IQSEC1: variants seen among roughly 807,000 people sequenced by gnomAD.
The protein encoded by IQSEC1 is IQ motif and Sec7 domain ArfGEF 1.
Under a neutral mutation model 91.0 loss-of-function variants are expected in IQSEC1, and 31 were observed. The observed-to-expected ratio is 0.34, with a 90% CI of 0.26 to 0.46. The LOEUF is 0.46. IQSEC1 is among the 20% of genes least tolerant of loss of function. IQSEC1 has a pLI of 1.00. For synonymous variants in IQSEC1, 699 were observed against 662.6 expected (o/e 1.05, Z -0.84); for missense variants, 1,388 against 1,575.6 (o/e 0.88, Z 2.02).
rs536230835 is a variant in IQSEC1, at chr3:12,919,570, T to C, written c.2020+860A>G. ...ACGGCAGAACCGCTGTTGAATAAAC[T>C]AAGAATGAACAGCTTTGTCAGCTCC... is the stretch of plus-strand genomic sequence containing the variant. On this transcript the variant is annotated intron_variant, in intron 6 of 13. Transcript: ENST00000613206. Among the ~76,000 whole-genome samples the C allele has an allele frequency of 5.3e-5, 8 of 152,340 alleles. No homozygotes were observed. The East Asian group carries it at 1.5e-3, about 29-fold the overall frequency.
intron 1 of IQSEC1, among the ~76,000 whole-genome samples, chr3:13,219,571 C>T (rs1209378965): frequency 6.6e-6 from 1 of 152,266 alleles, no homozygotes; most frequent in East Asian, 1.9e-4. Flanking sequence ...CCAACACCCA[C>T]CCGGCGGTCT....
intron 1 of IQSEC1, among the ~76,000 whole-genome samples, chr3:13,220,969 G>T (rs1048289467): frequency 6.6e-6 from 1 of 152,246 alleles, no homozygotes. Context: ...AGAGCTGCTG[G>T]CCTCATCCAT....
chr3:13,281,910 C>A (rs1468993635), intron 1 of IQSEC1, among the ~76,000 whole-genome samples: 3 of 152,202 alleles, frequency 2.0e-5, no homozygotes, highest in Non-Finnish European at 4.4e-5. Context: ...ACCGAAGCCT[C>A]CCAGCCCCCT....
intron 2 of IQSEC1, among the ~76,000 whole-genome samples, chr3:13,106,414 C>T (rs995808509): frequency 3.3e-5 from 5 of 152,196 alleles, no homozygotes; most frequent in African/African-American, 1.2e-4. Context: ...ATCAGAGTCT[C>T]TGTTCCGAGC....
intron 1 of IQSEC1, among the ~76,000 whole-genome samples, chr3:13,014,073 G>T (rs544886278): frequency 6.6e-6 from 1 of 152,188 alleles, no homozygotes; most frequent in Admixed American, 6.5e-5. Flanking sequence ...AACAAAGGCA[G>T]GTTGCTGCTG....
intron 2 of IQSEC1, among the ~76,000 whole-genome samples, chr3:13,125,805 G>A (rs370193360): frequency 9.3e-4 from 142 of 152,302 alleles, no homozygotes; most frequent in African/African-American, 3.3e-3. Flanking sequence ...AAAAACAACG[G>A]GACAAGGAGG....
intron 1 of IQSEC1, among the ~76,000 whole-genome samples, chr3:13,204,771 TTTTC>T (rs1694312317): frequency 6.6e-6 from 1 of 151,698 alleles, no homozygotes; most frequent in Non-Finnish European, 1.5e-5. Flanking sequence ...CCTTCTTTCT[TTTTC>T]TTTCTGTGTT....
intron 3 of IQSEC1, among the ~76,000 whole-genome samples, chr3:12,934,426 CAG>C (rs1697979240): frequency 6.6e-6 from 1 of 152,306 alleles, no homozygotes; most frequent in African/African-American, 2.4e-5. Context: ...GAAGAGAGAA[CAG>C]GGGGCAGACG....
At chr3:13,233,574 C>T (rs1048029264) in intron 1 of IQSEC1, among the ~76,000 whole-genome samples, 6 of 152,194 alleles carry the variant, frequency 3.9e-5, no homozygotes, top group Non-Finnish European at 7.3e-5. Context: ...GGGTTGGTCC[C>T]GGACTGTGCC....
intron 2 of IQSEC1, among the ~76,000 whole-genome samples, chr3:13,114,330 C>T (rs181964927): frequency 1.2e-4 from 18 of 152,230 alleles, no homozygotes; most frequent in African/African-American, 3.6e-4. Context: ...GGTGTCACGG[C>T]ACTCATGGCC....
intron 1 of IQSEC1, among the ~76,000 whole-genome samples, chr3:13,206,024 A>C: frequency 7.2e-6 from 1 of 138,976 alleles, no homozygotes; most frequent in South Asian, 2.4e-4. Context: ...CCACCCATCC[A>C]TCCCCCATCC....
chr3:13,214,206 G>C lies in IQSEC1; in HGVS notation c.273-50073C>G, dbSNP rs1406491865. Among the ~76,000 whole-genome samples the C allele has an allele frequency of 6.6e-6, 1 of 152,196 alleles. No individual in the cohort carries two copies. Among genetic ancestry groups the C allele is most frequent in the Non-Finnish European group, 1.5e-5 (1 of 68,036 alleles). On this transcript the variant is annotated intron_variant, in intron 1 of 15. Transcript: ENST00000648114. The surrounding 1 kb of genome is among the most constrained non-coding windows in gnomAD (Gnocchi z 4.5). The stretch of plus-strand genomic sequence containing the variant: ...GACGAACCCCTCTCTTACCCTTCTA[G>C]TCGCACTGCAGGGGCTTCTAAGCCT...
chr3:13,177,625 G>GC (rs1240786544), intron 1 of IQSEC1, among the ~76,000 whole-genome samples: 5 of 152,320 alleles, frequency 3.3e-5, no homozygotes, highest in African/African-American at 1.2e-4. Context: ...TTTTTGTGTG[G>GC]CCCCTGGGGG....
intron 1 of IQSEC1, among the ~76,000 whole-genome samples, chr3:13,278,603 G>C (rs749673560): frequency 1.1e-4 from 17 of 152,302 alleles, no homozygotes; most frequent in Non-Finnish European, 1.3e-4. Flanking sequence ...TGGATCACCT[G>C]AGGTCAGGAG....
At chr3:13,031,344 G>A (rs1164103316) in intron 1 of IQSEC1, among the ~76,000 whole-genome samples, 1 of 152,244 alleles carries the variant, frequency 6.6e-6, no homozygotes, top group Non-Finnish European at 1.5e-5. Context: ...GCCCCTGCCT[G>A]CCCCTGCCTA....
At chr3:12,929,838 C>G (rs767771984) in intron 3 of IQSEC1, among the ~76,000 whole-genome samples, 2 of 152,176 alleles carry the variant, frequency 1.3e-5, no homozygotes, top group South Asian at 2.1e-4. Context: ...GCAGTGTAGT[C>G]GGAGCCTCCT....
At chr3:13,022,860 C>A (rs1282933406) in intron 1 of IQSEC1, among the ~76,000 whole-genome samples, 1 of 152,216 alleles carries the variant, frequency 6.6e-6, no homozygotes, top group Non-Finnish European at 1.5e-5. Context: ...GAGACGGTTT[C>A]CAGCTCTGGC....
At position 13,249,624 on chromosome 3, in the gene IQSEC1, G is replaced by A. The variant is rs186987900; in HGVS notation, c.272+33087C>T. 2.6e-3 allele frequency among the ~76,000 whole-genome samples: 389 copies of A among 152,154 alleles called. 2 individuals carry two copies. Among genetic ancestry groups the A allele is most frequent in the African/African-American group, 8.3e-3 (345 of 41,518 alleles). On this transcript the variant is annotated intron_variant, in intron 1 of 15. Coordinates refer to the IQSEC1 transcript ENST00000648114. ...GTTATGGAGTTCGAATACCAGCTTG[G>A]GTTCGAATACCAGCTCTTGCTGTGT...
At chr3:13,064,206 C>A (rs763885120) in intron 1 of IQSEC1, among the ~76,000 whole-genome samples, 1 of 152,118 alleles carries the variant, frequency 6.6e-6, no homozygotes, top group Non-Finnish European at 1.5e-5. Flanking sequence ...CACACGCATG[C>A]ACACACATAC....
Sources: allele counts gnomAD v4.1 joint callset (sites outside exome capture counted in the v4.1 genomes callset), GRCh38; gene constraint gnomAD v4.1.1; non-coding constraint Gnocchi (gnomAD v3.1); transcripts MANE v1.5; gene names NCBI Gene and HGNC (gene_info 2026-07-23, HGNC 2026-07-21).